Variants in STON2 observed in about 807,000 individuals in gnomAD.
STON2 encodes the protein stonin 2.
STON2 carries 29 observed loss-of-function variants against 65.7 expected under a neutral mutation model. The observed-to-expected ratio is 0.44, with a 90% CI of 0.33 to 0.60. The LOEUF (loss-of-function observed/expected upper bound fraction) is 0.60, where lower values mean the gene tolerates loss of function less well. Among genes scored for constraint, STON2 ranks in the 20% least tolerant of loss-of-function variants. The pLI, the probability that STON2 is intolerant of heterozygous loss-of-function variation, is 0.03. For missense variants in STON2, 1,054 were observed against 1,118.1 expected (o/e 0.94, Z 0.82); for synonymous variants, 404 against 414.2 (o/e 0.98, Z 0.30).
chr14:81,406,670 A>G (rs1473975006), intron 2 of STON2, among the ~76,000 whole-genome samples: 2 of 152,198 alleles, frequency 1.3e-5, no homozygotes, highest in African/African-American at 4.8e-5. Context: ...TGAGATGTTA[A>G]TAAGACGTTA....
chr14:81,326,440 G>A (rs540324160), intron 4 of STON2, among the ~76,000 whole-genome samples: 143 of 152,234 alleles, frequency 9.4e-4, no homozygotes, highest in Non-Finnish European at 1.4e-3. Context: ...ATATCCAGAA[G>A]ATTGTGTGGA....
intron 1 of STON2, among the ~76,000 whole-genome samples, chr14:81,434,968 T>C (rs1902359913): frequency 1.3e-5 from 2 of 152,074 alleles, no homozygotes; most frequent in East Asian, 1.9e-4. Flanking sequence ...TCTCTCTCTT[T>C]CTCCCTCCCT....
rs1894172573 is a variant in STON2 at position 81,262,072 on chromosome 14, A to G, written c.*6342T>C. The G allele has an allele frequency of 9.2e-6, 12 of 1,305,904 alleles. No individual in the cohort carries two copies. Among genetic ancestry groups the G allele is most frequent in the Non-Finnish European group, 1.2e-5 (12 of 1,030,352 alleles). 80.9% of individuals were successfully genotyped at this position (1,305,904 alleles called of 1,614,324 possible). A position where few individuals can be genotyped will look rare whatever the true frequency, so the allele number is the denominator to read the frequency against. ...GAAGAGTCACTGAAAGGTGGCACCA[A>G]TGGATATTTTGTAAAATAACCCACA... On this transcript the variant is annotated 3_prime_UTR_variant, in exon 8 of 8. Coordinates refer to ENST00000614646, the MANE Select transcript of STON2 (RefSeq NM_001394390.1).
At chr14:81,408,582 TATAA>T (rs1480666156) in intron 2 of STON2, among the ~76,000 whole-genome samples, 1 of 151,130 alleles carries the variant, frequency 6.6e-6, no homozygotes, top group Non-Finnish European at 1.5e-5. Flanking sequence ...TATACACACT[TATAA>T]ATATACACAT....
chr14:81,327,369 C>T (rs79797926), intron 4 of STON2, among the ~76,000 whole-genome samples: 1,773 of 151,914 alleles, frequency 0.012, 34 homozygotes, highest in African/African-American at 0.04. Context: ...GGTTCTTTGC[C>T]AGAAAATGTC....
intron 4 of STON2, among the ~76,000 whole-genome samples, chr14:81,335,047 G>A (rs1364523062): frequency 7.4e-6 from 1 of 135,688 alleles, no homozygotes; most frequent in East Asian, 2.2e-4. Context: ...GTGTGTGTGT[G>A]TATAGACAGG....
chr14:81,408,255 G>A (rs372928187), intron 2 of STON2, among the ~76,000 whole-genome samples: 78 of 151,906 alleles, frequency 5.1e-4, no homozygotes, highest in Non-Finnish European at 6.0e-4. Context: ...TTATTTCGAC[G>A]TTTAAAAATT....
In STON2 at chr14:81,261,716, C is replaced by T; in HGVS notation, c.*6698G>A. ...CCCAGTACTTGGAGGGTTAGACCTACTTCTGTGTCAGGTAGCACCCAAATC... is the reference window on the plus strand; with the variant it reads ...CCCAGTACTTGGAGGGTTAGACCTATTTCTGTGTCAGGTAGCACCCAAATC... On this transcript the variant is annotated 3_prime_UTR_variant, in exon 8 of 8. Transcript: ENST00000614646. The T allele has an allele frequency of 7.1e-7, 1 of 1,407,384 alleles. No homozygotes were observed. The highest frequency in any genetic ancestry group is 1.6e-5 in the South Asian group (1 of 60,632). The allele number at this position is 1,407,384 out of a possible 1,614,324, so 87.2% of individuals were successfully genotyped here.
chr14:81,278,629 G>A lies in STON2; in HGVS notation c.853C>T (p.Arg285Cys), dbSNP rs1281957137. 4 of 1,582,834 alleles carry A rather than the reference G, an allele frequency of 2.5e-6. No individual in the cohort carries two copies. Among genetic ancestry groups the A allele is most frequent in the East Asian group, 2.2e-5 (1 of 44,570 alleles). ...TCAAAGGTGACCCAGCTGGGAAAAC[G>A]AGCAGAGGTCACTGGAGGGGCAGGG... ...GHPAPPVTSARFPSWVTFDDN... is the reference protein window; with the variant it reads ...GHPAPPVTSACFPSWVTFDDN... The change falls in exon 6 of 8, where the codon CGT becomes TGT. Residue 285 changes from arginine to cysteine, a missense_variant. Physicochemically the swap from Arg to Cys is radical, Grantham distance 180. Transcript: ENST00000614646.
chr14:81,396,468 CAAAGG>C (rs1302347145), intron 2 of STON2, among the ~76,000 whole-genome samples: 1 of 152,156 alleles, frequency 6.6e-6, no homozygotes, highest in Non-Finnish European at 1.5e-5. Context: ...TTGGGGGTCA[CAAAGG>C]AAAGTGCTTA....
In STON2 at chr14:81,261,603, G is replaced by T; in HGVS notation, c.*6811C>A. The stretch of plus-strand genomic sequence containing the variant: ...TGCCATAACTTACAAATAGTCCCAG[G>T]ATGTTTACTGAGTGTCCTCCTTCAA... On this transcript the variant is annotated 3_prime_UTR_variant, in exon 8 of 8. Coordinates refer to ENST00000614646, the MANE Select transcript of STON2 (RefSeq NM_001394390.1). 1.8e-6 allele frequency: 1 copy of T among 545,730 alleles called. No individual in the cohort carries two copies. The allele number at this position is 545,730 out of a possible 1,614,324, so 33.8% of individuals were successfully genotyped here.
rs879349873 is a variant in STON2, at chr14:81,279,571, A to T, written c.743-832T>A. 1.3e-3 allele frequency among the ~76,000 whole-genome samples: 199 copies of T among 152,238 alleles called. 4 individuals are homozygous for T. The highest frequency in any genetic ancestry group is 4.3e-3 in the Admixed American group (66 of 15,276). ...CTGGGCGTAGTGGCAGGCACCTGTTATCCCAGCGGCTTGGGAGGCTGAGGC... is the reference window on the plus strand; with the variant it reads ...CTGGGCGTAGTGGCAGGCACCTGTTTTCCCAGCGGCTTGGGAGGCTGAGGC... On this transcript the variant is annotated intron_variant, in intron 5 of 7. Coordinates refer to ENST00000614646, the MANE Select transcript of STON2 (RefSeq NM_001394390.1).
At chr14:81,398,208 C>T in intron 2 of STON2, 87 bp downstream of exon 2, 1 of 913,528 alleles carries the variant, frequency 1.1e-6, no homozygotes, top group Non-Finnish European at 1.6e-6. Flanking sequence ...TAAGATCCCA[C>T]CCAAAGAATA....
chr14:81,320,723 C>G (rs1896794574), intron 5 of STON2, among the ~76,000 whole-genome samples: 1 of 151,990 alleles, frequency 6.6e-6, no homozygotes, highest in Non-Finnish European at 1.5e-5. Context: ...ATGACACTCC[C>G]CTCTTATGAG....
chr14:81,366,794 A>G (rs556989510), intron 4 of STON2, among the ~76,000 whole-genome samples: 29 of 151,620 alleles, frequency 1.9e-4, no homozygotes, highest in Non-Finnish European at 3.2e-4. Context: ...CTTATGCCCC[A>G]TATCAAATGG....
At position 81,310,077 on chromosome 14, in the gene STON2, C is replaced by T. The variant is rs1896364787; in HGVS notation, c.742+13940G>A. Reference sequence around the variant, plus strand: ...AGTGAGGGGGCTGGATTAGATGATCCTGAATTCATCTTGTCTTTAAAACCC... The same window carrying T: ...AGTGAGGGGGCTGGATTAGATGATCTTGAATTCATCTTGTCTTTAAAACCC... On this transcript the variant is annotated intron_variant, in intron 5 of 7. Transcript: ENST00000614646. 2.6e-5 allele frequency among the ~76,000 whole-genome samples: 4 copies of T among 152,154 alleles called. No homozygotes were observed. In the South Asian group the frequency reaches 8.3e-4, roughly 32 times the overall value.
intron 5 of STON2, among the ~76,000 whole-genome samples, chr14:81,300,987 C>T (rs1034508185): frequency 6.6e-6 from 1 of 151,942 alleles, no homozygotes. Context: ...CATAGAATAC[C>T]ACTATAGCAA....
chr14:81,305,299 C>T (rs1405125277), intron 5 of STON2, among the ~76,000 whole-genome samples: 2 of 152,186 alleles, frequency 1.3e-5, no homozygotes, highest in Admixed American at 6.5e-5. Context: ...ATATGCAAAG[C>T]GACTATGCCA....
intron 4 of STON2, among the ~76,000 whole-genome samples, chr14:81,366,678 T>C (rs1898745779): frequency 1.3e-5 from 2 of 152,092 alleles, no homozygotes; most frequent in South Asian, 4.1e-4. Flanking sequence ...CTGTATTTAC[T>C]GCTTGCTGCT....
Sources: allele counts gnomAD v4.1 joint callset (sites outside exome capture counted in the v4.1 genomes callset), GRCh38; gene constraint gnomAD v4.1.1; transcripts MANE v1.5; gene names NCBI Gene and HGNC (gene_info 2026-07-23, HGNC 2026-07-21).